NCOA2: variants seen among roughly 807,000 people sequenced by gnomAD.
NCOA2 encodes the protein class E basic helix-loop-helix protein 75.
A neutral mutation model predicts 145.1 loss-of-function variants in NCOA2; 21 were observed. The observed-to-expected ratio is 0.14, with a 90% CI of 0.10 to 0.21. The LOEUF (loss-of-function observed/expected upper bound fraction) is 0.21. Ranked by LOEUF, NCOA2 falls within the 10% of genes least tolerant of loss-of-function variation. The pLI is 1.00. For synonymous variants in NCOA2, 619 were observed against 637.5 expected, an observed-to-expected ratio of 0.97 and a Z score of 0.44; for missense variants, 1,472 against 1,837.6, an observed-to-expected ratio of 0.80 and a Z score of 3.64.
intron 2 of NCOA2, among the ~76,000 whole-genome samples, chr8:70,228,297 A>G (rs1820845158): frequency 6.6e-6 from 1 of 152,234 alleles, no homozygotes; most frequent in Non-Finnish European, 1.5e-5. Context: ...CAGCAAAAGC[A>G]TAAGCATATT....
At chr8:70,374,836 C>T (rs1811531844) in intron 1 of NCOA2, among the ~76,000 whole-genome samples, 1 of 151,140 alleles carries the variant, frequency 6.6e-6, no homozygotes, top group African/African-American at 2.4e-5. Context: ...AGCATATATG[C>T]CGATACGTTA....
chr8:70,218,179 A>G (rs995640343), intron 2 of NCOA2, among the ~76,000 whole-genome samples: 6 of 150,136 alleles, frequency 4.0e-5, no homozygotes, highest in Admixed American at 1.3e-4. Context: ...CACTTCTGAT[A>G]CAATAGCGCA....
intron 1 of NCOA2, among the ~76,000 whole-genome samples, chr8:70,387,695 T>G (rs1016345905): frequency 1.1e-3 from 5 of 4,492 alleles, no homozygotes; most frequent in South Asian, 0.01. Context: ...TGAATCTGGA[T>G]GGGGGATAGA....
At chr8:70,442,134 A>AGAAAGAAAGAAAGAAAGAAAGAAAGAAG in the NCOA2 span, among the ~76,000 whole-genome samples, 110 of 125,466 alleles carry the variant, frequency 8.8e-4, 1 homozygote, top group African/African-American at 4.4e-3. Flanking sequence ...AAAGAAAGAA[A>AGAAAGAAAGAAAGAAAGAAAGAAAGAAG]GAAAGAAAGA....
intron 3 of NCOA2, among the ~76,000 whole-genome samples, chr8:70,216,379 T>C (rs1207770960): frequency 1.3e-5 from 2 of 152,126 alleles, no homozygotes; most frequent in African/African-American, 4.8e-5. Context: ...GATCTTCTTG[T>C]TATAATATTG....
At chr8:70,438,735 T>C in the NCOA2 span, among the ~76,000 whole-genome samples, 1 of 152,254 alleles carries the variant, frequency 6.6e-6, no homozygotes, top group South Asian at 2.1e-4. Flanking sequence ...TGGGAATAAA[T>C]AACACTGGCT....
chr8:70,193,421 G>GA (rs994895570), intron 4 of NCOA2, among the ~76,000 whole-genome samples: 4 of 151,296 alleles, frequency 2.6e-5, no homozygotes, highest in Non-Finnish European at 5.9e-5. Flanking sequence ...GGAAGTGAGG[G>GA]AAAAAAAAGA....
At chr8:70,372,020 A>T (rs1811269534) in intron 1 of NCOA2, among the ~76,000 whole-genome samples, 1 of 152,180 alleles carries the variant, frequency 6.6e-6, no homozygotes, top group South Asian at 2.1e-4. Context: ...ATTAGGGAAA[A>T]AATGTTATTA....
chr8:70,279,992 G>C (rs1192147154), intron 2 of NCOA2, among the ~76,000 whole-genome samples: 3 of 152,174 alleles, frequency 2.0e-5, no homozygotes, highest in Non-Finnish European at 4.4e-5. Flanking sequence ...ATACTGGTTT[G>C]AGTTGCATTT....
intron 4 of NCOA2, among the ~76,000 whole-genome samples, chr8:70,211,914 G>A (rs992964428): frequency 6.6e-6 from 1 of 151,938 alleles, no homozygotes; most frequent in Non-Finnish European, 1.5e-5. Context: ...CTGCTTCTTG[G>A]GTGGTTGTGG....
upstream of NCOA2, among the ~76,000 whole-genome samples, chr8:70,405,732 T>C (rs1209680858): frequency 2.0e-5 from 3 of 152,078 alleles, no homozygotes; most frequent in Non-Finnish European, 1.5e-5. Flanking sequence ...TCCCTCCCAT[T>C]TTGGCAGAAG....
At chr8:70,207,699 A>G (rs1351005852) in intron 4 of NCOA2, among the ~76,000 whole-genome samples, 1 of 151,782 alleles carries the variant, frequency 6.6e-6, no homozygotes, top group Non-Finnish European at 1.5e-5. Context: ...CCCTGTCTCT[A>G]CTAAAAATAC....
chr8:70,151,817 T>C (rs1811786530), intron 11 of NCOA2, among the ~76,000 whole-genome samples: 1 of 152,226 alleles, frequency 6.6e-6, no homozygotes. Flanking sequence ...TCACTTTACA[T>C]GTTCTTCTTC....
intron 4 of NCOA2, among the ~76,000 whole-genome samples, chr8:70,198,792 C>G (rs1014330491): frequency 2.0e-5 from 3 of 152,094 alleles, no homozygotes; most frequent in African/African-American, 7.2e-5. Context: ...GTTACACAGA[C>G]TGAGATAGAG....
chr8:70,230,015 G>A (rs1242282089), intron 2 of NCOA2, among the ~76,000 whole-genome samples: 1 of 152,134 alleles, frequency 6.6e-6, no homozygotes, highest in Non-Finnish European at 1.5e-5. Context: ...ATTTAGTTAG[G>A]CACTTACTTT....
At chr8:70,185,545 A>T (rs1815971056) in intron 4 of NCOA2, among the ~76,000 whole-genome samples, 1 of 152,204 alleles carries the variant, frequency 6.6e-6, no homozygotes, top group Non-Finnish European at 1.5e-5. Flanking sequence ...CAAAGGAAGT[A>T]ACTGTAAGGC....
intron 2 of NCOA2, among the ~76,000 whole-genome samples, chr8:70,291,627 T>A (rs948481010): frequency 3.9e-5 from 6 of 152,214 alleles, no homozygotes; most frequent in African/African-American, 1.4e-4. Context: ...GCCTGGACTG[T>A]GATTTGTTCA....
At chr8:70,388,413 C>T (rs1018556826) in intron 1 of NCOA2, among the ~76,000 whole-genome samples, 21 of 152,148 alleles carry the variant, frequency 1.4e-4, no homozygotes, top group African/African-American at 4.3e-4. Flanking sequence ...GTCTTTAAGG[C>T]TCAAATCAAA....
At chr8:70,336,073 CAGTG>C (rs377749366) in intron 1 of NCOA2, among the ~76,000 whole-genome samples, 7 of 152,116 alleles carry the variant, frequency 4.6e-5, no homozygotes, top group Middle Eastern at 3.4e-3. Flanking sequence ...CTGGGTGAGT[CAGTG>C]AGTGAGTGAG....
Sources: gnomAD v4.1 joint callset for allele counts (sites outside exome capture counted in the v4.1 genomes callset) on GRCh38, gnomAD v4.1.1 for gene constraint, MANE v1.5 for transcripts, NCBI Gene and HGNC (gene_info 2026-07-23, HGNC 2026-07-21) for gene names.